Variants in BAIAP2 observed in about 807,000 individuals in gnomAD.
BAIAP2 encodes the protein BAR/IMD domain containing adaptor protein 2, also known as BAR/IMD domain-containing adapter protein 2.
BAIAP2 carries 18 observed loss-of-function variants against 63.0 expected under a neutral mutation model. That is an observed-to-expected ratio of 0.29 (90% CI 0.20 to 0.42). BAIAP2 has a LOEUF of 0.42. Among genes scored for constraint, BAIAP2 ranks in the 10% least tolerant of loss-of-function variants. The probability of loss-of-function intolerance (pLI) is 1.00; values close to 1 mark genes in which losing one functional copy is unlikely to be tolerated. For synonymous variants in BAIAP2, 386 were observed against 307.6 expected, an observed-to-expected ratio of 1.25 and a Z score of -2.67; for missense variants, 610 against 734.3, an observed-to-expected ratio of 0.83 and a Z score of 1.96.
At chr17:81,059,310 G>A (rs1483120385) in intron 3 of BAIAP2, among the ~76,000 whole-genome samples, 5 of 152,258 alleles carry the variant, frequency 3.3e-5, no homozygotes, top group Admixed American at 6.5e-5. Context: ...GGAGGATGAC[G>A]TGTGAGATGC....
At chr17:81,063,117 G>A (rs912718314) in intron 3 of BAIAP2, among the ~76,000 whole-genome samples, 18 of 152,228 alleles carry the variant, frequency 1.2e-4, no homozygotes, top group African/African-American at 4.1e-4. Flanking sequence ...TAAGAGGAGG[G>A]GTGAAGGAGA....
chr17:81,067,349 T>C (rs1247447854), intron 3 of BAIAP2, among the ~76,000 whole-genome samples: 12 of 152,226 alleles, frequency 7.9e-5, no homozygotes. Context: ...TGCTGAACTC[T>C]GTGGGGACCC....
rs1448748432 is a variant in BAIAP2, at chr17:81,102,303, C to T, written c.643-1199C>T. ...TGGCTCGTGGCCGCTGTGTCAGGGCCGTGCCGCTGCGAGGTCGGTGTCCCT... is the reference window on the plus strand; with the variant it reads ...TGGCTCGTGGCCGCTGTGTCAGGGCTGTGCCGCTGCGAGGTCGGTGTCCCT... On this transcript the variant is annotated intron_variant, in intron 7 of 13. Transcript: ENST00000428708. 2.6e-5 allele frequency among the ~76,000 whole-genome samples: 4 copies of T among 152,294 alleles called. No homozygotes were observed. The East Asian group carries it at 5.8e-4, about 22-fold the overall frequency.
In BAIAP2 at chr17:81,035,155, T is replaced by G. The variant is rs1308309468; in HGVS notation, c.-100T>G. On this transcript the variant is annotated 5_prime_UTR_variant, in exon 1 of 14. Coordinates refer to ENST00000428708, the MANE Select transcript of BAIAP2 (RefSeq NM_001144888.2). ...CGCCGCCGGACGCCGGGCTCTGTGG[T>G]TCGGGTCCGCTTTCGTCTCCGTCCT... The G allele has an allele frequency of 4.1e-6, 4 of 966,458 alleles. No individual in the cohort carries two copies. Among genetic ancestry groups the G allele is most frequent in the African/African-American group, 1.7e-5 (1 of 57,316 alleles). The allele number at this position is 966,458 out of a possible 1,614,324, so 59.9% of individuals were successfully genotyped here.
At chr17:81,073,154 G>A (rs2053004518) in intron 3 of BAIAP2, among the ~76,000 whole-genome samples, 1 of 152,128 alleles carries the variant, frequency 6.6e-6, no homozygotes, top group Admixed American at 6.5e-5. Flanking sequence ...TGACCCTCCA[G>A]CGGCCCCTCC....
Position 81,053,673 on chromosome 17 carries a change from C to T in BAIAP2, c.60C>T (p.Ile20=), listed in dbSNP as rs566933849. Residue 20 remains isoleucine, a synonymous_variant, in exon 2 of 14, where the codon ATC becomes ATT. Coordinates refer to ENST00000428708, the MANE Select transcript of BAIAP2 (RefSeq NM_001144888.2). ...TCTTCTCTGCTTTCTTCCAGACCAT[C>T]ATGGAGCAGTTCAACCCTAGCCTCC... ...HRLTENVYKT[I]MEQFNPSLRN... 6.2e-7 allele frequency: 1 copy of T among 1,614,160 alleles called. No homozygotes were observed. The highest frequency in any genetic ancestry group is 1.3e-5 in the African/African-American group (1 of 75,066).
intron 3 of BAIAP2, among the ~76,000 whole-genome samples, chr17:81,068,349 C>A (rs1475462030): frequency 6.6e-6 from 1 of 152,228 alleles, no homozygotes; most frequent in Non-Finnish European, 1.5e-5. Flanking sequence ...GTCTCCCCCT[C>A]GGGCACGCGT....
Position 81,106,140 on chromosome 17 carries a change from A to C in BAIAP2, c.1331A>C (p.His444Pro). Residue 444 changes from histidine to proline, a missense_variant, in exon 11 of 14, where the codon CAC (histidine) becomes CCC (proline). Physicochemically the swap from His to Pro is moderately conservative, Grantham distance 77. Transcript: ENST00000428708. ...VLDSDGSDRLHMSLQQGKSSS... is the reference protein window; with the variant it reads ...VLDSDGSDRLPMSLQQGKSSS... ...GACAGCGATGGCAGTGACAGGCTGC[A>C]CATGAGGTGAGCTCTGGGCCCAACG... is the stretch of plus-strand genomic sequence containing the variant. 1 of 1,580,516 alleles carries C rather than the reference A, an allele frequency of 6.3e-7. No individual in the cohort carries two copies. Among genetic ancestry groups the C allele is most frequent in the East Asian group, 2.3e-5 (1 of 43,584 alleles).
At chr17:81,036,859 G>A (rs1368507291) in intron 1 of BAIAP2, 2 of 1,535,370 alleles carry the variant, frequency 1.3e-6, no homozygotes, top group Middle Eastern at 1.7e-4. Context: ...GTTTGTGATT[G>A]CAGAGGGTGG....
chr17:81,081,531 T>C (rs2054604722), intron 3 of BAIAP2, among the ~76,000 whole-genome samples: 1 of 152,080 alleles, frequency 6.6e-6, no homozygotes, highest in South Asian at 2.1e-4. Context: ...CGTGCTCCCG[T>C]CTCCTCCCCT....
intron 5 of BAIAP2, 86 bp downstream of exon 5, chr17:81,085,811 G>A (rs1205908446): frequency 6.6e-6 from 7 of 1,064,910 alleles, no homozygotes; most frequent in Non-Finnish European, 9.9e-6. Flanking sequence ...TCGGCCTGAA[G>A]GCTTCCCACT....
chr17:81,070,179 G>C (rs941353466), intron 3 of BAIAP2, among the ~76,000 whole-genome samples: 2 of 152,090 alleles, frequency 1.3e-5, no homozygotes, highest in African/African-American at 2.4e-5. Context: ...GGCTGGTCTC[G>C]AACTCCTGGA....
Position 81,110,984 on chromosome 17 carries a change from A to G in BAIAP2, c.1535+2475A>G, listed in dbSNP as rs2059861449. The G allele has an allele frequency of 5.0e-6, 8 of 1,613,532 alleles. No homozygotes were observed. In the East Asian group the frequency reaches 1.8e-4, roughly 36 times the overall value. On this transcript the variant is annotated intron_variant, in intron 13 of 13. Transcript: ENST00000428708. Reference sequence around the variant, plus strand: ...AGTAAGTTGCCTGGCGTTCTCGTGCAGTCACTGGCCTCTCCAGTGGTTCTC... The same window carrying G: ...AGTAAGTTGCCTGGCGTTCTCGTGCGGTCACTGGCCTCTCCAGTGGTTCTC...
chr17:81,117,000 A>C lies in BAIAP2; in HGVS notation c.*1161A>C, dbSNP rs1462752068. ...CCAGGGACAGACAGACATTGCCCTC[A>C]GAAGGGCAGGGAGGAGGCTGTCCTG... On this transcript the variant is annotated 3_prime_UTR_variant, in exon 14 of 14. Transcript: ENST00000428708. 6.6e-6 allele frequency: 1 copy of C among 152,516 alleles called. No homozygotes were observed. The allele number at this position is 152,516 out of a possible 1,614,324, so 9.4% of individuals were successfully genotyped here.
At chr17:81,060,375 G>A (rs935195188) in intron 3 of BAIAP2, among the ~76,000 whole-genome samples, 1 of 152,084 alleles carries the variant, frequency 6.6e-6, no homozygotes, top group Non-Finnish European at 1.5e-5. Context: ...CCAGCCCCTG[G>A]CAGCCACACC....
intron 13 of BAIAP2, among the ~76,000 whole-genome samples, chr17:81,112,942 G>T (rs2060086863): frequency 6.6e-6 from 1 of 152,198 alleles, no homozygotes; most frequent in Non-Finnish European, 1.5e-5. Context: ...TGTAGTCCCA[G>T]CTTCTCAGGA....
intron 13 of BAIAP2, chr17:81,110,635 T>C: frequency 1.6e-6 from 2 of 1,241,744 alleles, no homozygotes; most frequent in Non-Finnish European, 2.0e-6. Flanking sequence ...TAACCTGGGC[T>C]TGCACACGGT....
Position 81,116,083 on chromosome 17 carries a change from T to TA in BAIAP2, c.*244_*245insA. On this transcript the variant is annotated 3_prime_UTR_variant, in exon 14 of 14. Coordinates refer to ENST00000428708, the MANE Select transcript of BAIAP2 (RefSeq NM_001144888.2). ...CTGCCCAGGGCTGAGGGGCCGCCTC[T>TA]TGAGGGTACACGCCTCTGGTCACAT... The TA allele has an allele frequency of 6.7e-7, 1 of 1,499,934 alleles. No individual in the cohort carries two copies. The highest frequency in any genetic ancestry group is 8.9e-7 in the Non-Finnish European group (1 of 1,128,054). The allele number at this position is 1,499,934 out of a possible 1,614,324, so 92.9% of individuals were successfully genotyped here.
intron 3 of BAIAP2, among the ~76,000 whole-genome samples, chr17:81,071,542 C>G (rs1490609308): frequency 6.6e-6 from 1 of 152,230 alleles, no homozygotes; most frequent in Non-Finnish European, 1.5e-5. Context: ...CCCTCTTCCA[C>G]CAGCAGAGAA....
Sources: gnomAD v4.1 joint callset for allele counts (sites outside exome capture counted in the v4.1 genomes callset) on GRCh38, gnomAD v4.1.1 for gene constraint, MANE v1.5 for transcripts, NCBI Gene and HGNC (gene_info 2026-07-23, HGNC 2026-07-21) for gene names.